The following ATP8A2 variants were observed in gnomAD, a reference collection of about 807,000 sequenced individuals.
The protein encoded by ATP8A2 is phospholipid-transporting ATPase IB.
Under a neutral mutation model 165.6 loss-of-function variants are expected in ATP8A2, and 100 were observed. The ratio of observed to expected loss-of-function variants is 0.60; its 90% CI spans 0.51 to 0.71. The LOEUF (loss-of-function observed/expected upper bound fraction) is 0.71. ATP8A2 is among the 30% of genes least tolerant of loss of function. ATP8A2 has a pLI of 0.00. For synonymous variants in ATP8A2, 543 were observed against 548.8 expected, an observed-to-expected ratio of 0.99 and a Z score of 0.15; for missense variants, 1,227 against 1,479.5, an observed-to-expected ratio of 0.83 and a Z score of 2.80.
At chr13:25,496,797 A>G (rs1022795397) in intron 2 of ATP8A2, among the ~76,000 whole-genome samples, 2 of 152,220 alleles carry the variant, frequency 1.3e-5, no homozygotes, top group Admixed American at 6.5e-5. Flanking sequence ...TATGCAGGTC[A>G]CATTTTGGAT....
intron 24 of ATP8A2, among the ~76,000 whole-genome samples, chr13:25,689,458 TG>T (rs1214491140): frequency 1.3e-5 from 2 of 152,154 alleles, no homozygotes; most frequent in Non-Finnish European, 2.9e-5. Context: ...ATAATTTATC[TG>T]GTAGTTTCAT....
chr13:25,598,063 G>A (rs546090635), intron 24 of ATP8A2, among the ~76,000 whole-genome samples: 1 of 152,118 alleles, frequency 6.6e-6, no homozygotes, highest in South Asian at 2.1e-4. Flanking sequence ...ATGAGGTAAG[G>A]ATTGAGGTCC....
chr13:25,953,315 A>C lies in ATP8A2; in HGVS notation c.3184-8260A>C, dbSNP rs750857384. Among the ~76,000 whole-genome samples the C allele has an allele frequency of 2.0e-5, 3 of 151,834 alleles. No individual in the cohort carries two copies. The highest frequency in any genetic ancestry group is 4.4e-5 in the Non-Finnish European group (3 of 67,978). ...GTGCTGTGGGGAAGGGGCAGACTTA[A>C]ATTTTCTTCTGTAAAATGGGGACGG... On this transcript the variant is annotated intron_variant, in intron 33 of 36. Coordinates refer to ENST00000381655, the MANE Select transcript of ATP8A2 (RefSeq NM_016529.6). This position sits in a 1 kb window ranked among gnomAD's most constrained non-coding sequence, Gnocchi z 6.7.
At chr13:25,826,011 GT>G (rs1951305415) in intron 27 of ATP8A2, among the ~76,000 whole-genome samples, 2 of 152,102 alleles carry the variant, frequency 1.3e-5, no homozygotes, top group Admixed American at 6.6e-5. Context: ...GTTGTTTGGG[GT>G]TTTTTGAGAT....
chr13:25,578,693 C>T, intron 20 of ATP8A2, 122 bp from the exon 21 acceptor site: 1 of 706,948 alleles, frequency 1.4e-6, no homozygotes, highest in Admixed American at 2.2e-5. Context: ...ATGCTAAATT[C>T]CTACTTACCC....
rs1253604165 is a variant in ATP8A2 at position 25,559,054 on chromosome 13, ACCTATGGGTCAGTGTGTTTATC to A, written c.1346_1352+15del. On this transcript the variant is annotated splice_donor_variant and splice_donor_5th_base_variant and coding_sequence_variant and intron_variant, in exon 14 of 37. Coordinates refer to ENST00000381655, the MANE Select transcript of ATP8A2 (RefSeq NM_016529.6). LOFTEE classifies it high-confidence loss of function. ...TAAGAAGTGCAGCATTGCCGGAGTA[ACCTATGGGTCAGTGTGTTTATC>A]ATTTACTGAAAATTTACTTGTATTC... The A allele has an allele frequency of 6.2e-7, 1 of 1,605,896 alleles. No individual in the cohort carries two copies. The highest frequency in any genetic ancestry group is 2.2e-5 in the East Asian group (1 of 44,778).
Position 25,412,104 on chromosome 13 carries a change from C to T in ATP8A2, c.76+39816C>T, listed in dbSNP as rs114118638. Among the ~76,000 whole-genome samples, 1,337 of 152,128 alleles carry T rather than the reference C, an allele frequency of 8.8e-3. 26 individuals are homozygous for T. The highest frequency in any genetic ancestry group is 0.03 in the African/African-American group (1,246 of 41,502). ...TTTGTAAACAGAAAGTTCCTTTGGCCGGGGGTGGTGGGTGCCCCTCTCAGA... is the reference window on the plus strand; with the variant it reads ...TTTGTAAACAGAAAGTTCCTTTGGCTGGGGGTGGTGGGTGCCCCTCTCAGA... On this transcript the variant is annotated intron_variant, in intron 1 of 36. Coordinates refer to ENST00000381655, the MANE Select transcript of ATP8A2 (RefSeq NM_016529.6).
At chr13:25,517,156 G>A (rs2037504338) in intron 2 of ATP8A2, 1 of 149,022 alleles carries the variant, frequency 6.7e-6, no homozygotes, top group Non-Finnish European at 1.5e-5. Context: ...CAATTGCAAT[G>A]ATACAGAGAA....
intron 33 of ATP8A2, among the ~76,000 whole-genome samples, chr13:25,900,564 T>C (rs962354173): frequency 2.0e-5 from 3 of 152,168 alleles, no homozygotes; most frequent in Non-Finnish European, 4.4e-5. Context: ...AGCTGATTTC[T>C]GCTTACTCCT....
intron 35 of ATP8A2, among the ~76,000 whole-genome samples, chr13:26,000,677 A>G (rs1162905107): frequency 1.5e-5 from 2 of 131,682 alleles, no homozygotes; most frequent in Non-Finnish European, 3.1e-5. Context: ...CAGCTAGCAT[A>G]CCTGCTTCTG....
chr13:25,991,389 C>T (rs144270363), intron 35 of ATP8A2, among the ~76,000 whole-genome samples: 1 of 152,282 alleles, frequency 6.6e-6, no homozygotes, highest in East Asian at 1.9e-4. Context: ...TACAGTATCA[C>T]AACCAGGAAA....
chr13:25,584,178 C>T (rs927576560), intron 23 of ATP8A2, among the ~76,000 whole-genome samples: 3 of 151,858 alleles, frequency 2.0e-5, no homozygotes, highest in East Asian at 1.9e-4. Flanking sequence ...ATTTAAATGT[C>T]GTCTTGTGAT....
chr13:25,775,935 G>A lies in ATP8A2; in HGVS notation c.2679+976G>A, dbSNP rs181456615. On this transcript the variant is annotated intron_variant, in intron 27 of 36. Transcript: ENST00000381655. ...CTGTAACTAACTACTTCTTTACCCG[G>A]TTGTCTAATCTTTCCTACTCAATCA... 2.3e-3 allele frequency among the ~76,000 whole-genome samples: 349 copies of A among 152,236 alleles called. 1 individual carries two copies. The highest frequency in any genetic ancestry group is 7.3e-3 in the African/African-American group (302 of 41,518).
chr13:25,949,633 G>A (rs926109698), intron 33 of ATP8A2, among the ~76,000 whole-genome samples: 1 of 152,190 alleles, frequency 6.6e-6, no homozygotes, highest in Admixed American at 6.5e-5. Flanking sequence ...ACCTCTGCCA[G>A]AGAAGAGCCC....
chr13:25,887,806 A>G (rs28634130), intron 33 of ATP8A2, among the ~76,000 whole-genome samples: 51 of 152,254 alleles, frequency 3.3e-4, no homozygotes, highest in African/African-American at 1.2e-3. Flanking sequence ...TGATTTGTCT[A>G]TTGAGGATTC....
intron 1 of ATP8A2, among the ~76,000 whole-genome samples, chr13:25,421,481 C>T (rs529709231): frequency 3.9e-5 from 6 of 152,270 alleles, no homozygotes; most frequent in Admixed American, 1.3e-4. Context: ...ACTACAGGCC[C>T]ATGCCACTGC....
At chr13:25,575,296 G>A (rs1171609882) in intron 19 of ATP8A2, among the ~76,000 whole-genome samples, 1 of 152,198 alleles carries the variant, frequency 6.6e-6, no homozygotes, top group Non-Finnish European at 1.5e-5. Context: ...CATCCCATTA[G>A]AGGCTGGGTC....
At chr13:25,612,614 T>A (rs2040716966) in intron 24 of ATP8A2, among the ~76,000 whole-genome samples, 1 of 152,158 alleles carries the variant, frequency 6.6e-6, no homozygotes, top group Non-Finnish European at 1.5e-5. Context: ...ATCCTGCAGT[T>A]GTTGGGTAGA....
chr13:25,765,432 C>T (rs966452338), intron 25 of ATP8A2, among the ~76,000 whole-genome samples: 3 of 152,192 alleles, frequency 2.0e-5, no homozygotes, highest in East Asian at 1.9e-4. Context: ...GCTTGTGCTT[C>T]CTGGCAACTT....
Sources: allele counts gnomAD v4.1 joint callset (sites outside exome capture counted in the v4.1 genomes callset), GRCh38; gene constraint gnomAD v4.1.1; non-coding constraint Gnocchi (gnomAD v3.1); transcripts MANE v1.5; gene names NCBI Gene and HGNC (gene_info 2026-07-23, HGNC 2026-07-21).